Variants in RANBP2 observed in about 807,000 individuals in gnomAD.
RANBP2 encodes RAN binding protein 2.
In RANBP2, 57 loss-of-function variants were observed where a neutral mutation model predicts 303.6. That is an observed-to-expected ratio of 0.19 (90% CI 0.15 to 0.23). The LOEUF (loss-of-function observed/expected upper bound fraction) is 0.23. Among genes scored for constraint, RANBP2 ranks in the 10% least tolerant of loss-of-function variants. RANBP2 has a pLI of 1.00. For missense variants in RANBP2, 3,138 were observed against 3,780.8 expected (o/e 0.83, Z 4.46); for synonymous variants, 1,167 against 1,301.5 (o/e 0.90, Z 2.23).
At chr2:109,152,131 G>C in the RANBP2 span, among the ~76,000 whole-genome samples, 2 of 152,200 alleles carry the variant, frequency 1.3e-5, no homozygotes, top group African/African-American at 4.8e-5. Flanking sequence ...TTTTGGAGAG[G>C]ATGAAATTTG....
At chr2:108,909,768 C>T in the RANBP2 span, among the ~76,000 whole-genome samples, 267 of 152,350 alleles carry the variant, frequency 1.8e-3, no homozygotes, top group Non-Finnish European at 3.1e-3. Context: ...GGGCTGGTTC[C>T]ACACCTTCAT....
the RANBP2 span, among the ~76,000 whole-genome samples, chr2:109,379,765 G>T: frequency 2.0e-5 from 3 of 152,116 alleles, no homozygotes; most frequent in Non-Finnish European, 2.9e-5. Flanking sequence ...ACTTTGTAAA[G>T]CCCTCCTGCA....
the RANBP2 span, among the ~76,000 whole-genome samples, chr2:109,270,073 G>C: frequency 2.0e-5 from 3 of 152,212 alleles, no homozygotes; most frequent in Non-Finnish European, 4.4e-5. Context: ...CCGTGAGCTT[G>C]GCTGCCGTGG....
chr2:109,485,907 C>G, the RANBP2 span, among the ~76,000 whole-genome samples: 1 of 152,264 alleles, frequency 6.6e-6, no homozygotes. Flanking sequence ...GGCCCTTGAT[C>G]TCCTACACAC....
At chr2:109,010,612 G>A in the RANBP2 span, among the ~76,000 whole-genome samples, 14 of 152,008 alleles carry the variant, frequency 9.2e-5, no homozygotes, top group Non-Finnish European at 1.8e-4. Context: ...GGAGCTCTGG[G>A]GTCTCTTCTC....
At chr2:108,826,672 G>C in the RANBP2 span, among the ~76,000 whole-genome samples, 1 of 152,084 alleles carries the variant, frequency 6.6e-6, no homozygotes, top group East Asian at 1.9e-4. Context: ...AGTAAATTTT[G>C]AAAACAAAGT....
chr2:109,265,293 G>A, the RANBP2 span, among the ~76,000 whole-genome samples: 1 of 152,168 alleles, frequency 6.6e-6, no homozygotes, highest in Non-Finnish European at 1.5e-5. Context: ...GGCTGTGTTC[G>A]CCAACTGCTG....
chr2:108,844,532 G>T, the RANBP2 span, among the ~76,000 whole-genome samples: 1 of 152,238 alleles, frequency 6.6e-6, no homozygotes, highest in South Asian at 2.1e-4. Context: ...TGTCCTGTCG[G>T]TGTTGGCAGC....
At chr2:109,440,502 T>C in the RANBP2 span, among the ~76,000 whole-genome samples, 1 of 152,210 alleles carries the variant, frequency 6.6e-6, no homozygotes, top group Admixed American at 6.5e-5. Flanking sequence ...TATTTTTGTA[T>C]TTAAAAGATT....
chr2:109,275,875 G>A, the RANBP2 span, among the ~76,000 whole-genome samples: 6 of 152,290 alleles, frequency 3.9e-5, 1 homozygote, highest in South Asian at 1.2e-3. Context: ...GGTTTTTTGA[G>A]TCCACTCTAG....
chr2:109,337,087 T>G, the RANBP2 span, among the ~76,000 whole-genome samples: 1 of 152,276 alleles, frequency 6.6e-6, no homozygotes, highest in Non-Finnish European at 1.5e-5. Context: ...ATCCTAAATG[T>G]AAATTCAGGA....
chr2:109,139,612 C>T, the RANBP2 span, among the ~76,000 whole-genome samples: 2 of 152,114 alleles, frequency 1.3e-5, no homozygotes, highest in African/African-American at 4.8e-5. Context: ...TCTGCTGTCT[C>T]GGTTTGACAA....
the RANBP2 span, among the ~76,000 whole-genome samples, chr2:109,361,902 A>C: frequency 6.6e-6 from 1 of 152,164 alleles, no homozygotes; most frequent in Non-Finnish European, 1.5e-5. Context: ...TTTAACATCC[A>C]TGGGACATAC....
chr2:108,860,934 A>ATTTTTTTTTTT, the RANBP2 span, among the ~76,000 whole-genome samples: 2 of 11,418 alleles, frequency 1.8e-4, no homozygotes, highest in Non-Finnish European at 2.7e-4. Flanking sequence ...CTGGTCCAGG[A>ATTTTTTTTTTT]CTTTTTTTTT....
the RANBP2 span, chr2:109,419,700 G>C: frequency 6.7e-7 from 1 of 1,501,204 alleles, no homozygotes; most frequent in Non-Finnish European, 9.0e-7. Flanking sequence ...CTCCTGCCTG[G>C]GCTGACCTGT....
chr2:108,945,453 C>A, the RANBP2 span, among the ~76,000 whole-genome samples: 1 of 152,112 alleles, frequency 6.6e-6, no homozygotes, highest in African/African-American at 2.4e-5. Flanking sequence ...TTGAGACTTA[C>A]TAATTTATTA....
the RANBP2 span, among the ~76,000 whole-genome samples, chr2:108,874,922 A>ATT: frequency 4.6e-4 from 68 of 147,262 alleles, no homozygotes; most frequent in South Asian, 1.1e-3. Context: ...AATTCATGGG[A>ATT]TTTTTTTTTT....
chr2:108,758,952 A>G (rs1190357245), intron 18 of RANBP2, among the ~76,000 whole-genome samples: 1 of 148,994 alleles, frequency 6.7e-6, no homozygotes, highest in Admixed American at 6.7e-5. Flanking sequence ...TTAATTTGAA[A>G]TATTATGGTT....
At chr2:108,722,414 G>A (rs935782557) in intron 1 of RANBP2, among the ~76,000 whole-genome samples, 1 of 151,928 alleles carries the variant, frequency 6.6e-6, no homozygotes, top group Non-Finnish European at 1.5e-5. Context: ...AGAAGGTAAA[G>A]AATGGAGGGA....
Sources: allele counts gnomAD v4.1 joint callset (sites outside exome capture counted in the v4.1 genomes callset), GRCh38; gene constraint gnomAD v4.1.1; transcripts MANE v1.5; gene names NCBI Gene and HGNC (gene_info 2026-07-23, HGNC 2026-07-21).